CTNND2: variants seen among roughly 807,000 people sequenced by gnomAD.
CTNND2 encodes catenin delta-2.
In CTNND2, 22 loss-of-function variants were observed where a neutral mutation model predicts 144.4. The ratio of observed to expected loss-of-function variants is 0.15; its 90% CI spans 0.11 to 0.22. The LOEUF (loss-of-function observed/expected upper bound fraction) is 0.22. Among genes scored for constraint, CTNND2 ranks in the 10% least tolerant of loss-of-function variants. The pLI, the probability that CTNND2 is intolerant of heterozygous loss-of-function variation, is 1.00. For missense variants in CTNND2, 1,353 were observed against 1,618.8 expected, an observed-to-expected ratio of 0.84 and a Z score of 2.82; for synonymous variants, 751 against 695.6, an observed-to-expected ratio of 1.08 and a Z score of -1.25.
intron 3 of CTNND2, among the ~76,000 whole-genome samples, chr5:11,446,770 G>C (rs1217784898): frequency 6.6e-6 from 1 of 152,090 alleles, no homozygotes; most frequent in Non-Finnish European, 1.5e-5. Context: ...GAGAAGATGA[G>C]TTACAGAAGG....
At chr5:11,641,616 G>A (rs530570034) in intron 2 of CTNND2, among the ~76,000 whole-genome samples, 2 of 144,386 alleles carry the variant, frequency 1.4e-5, no homozygotes, top group Non-Finnish European at 3.0e-5. Context: ...ACATATACGT[G>A]TGTGTATACA....
At chr5:11,452,893 C>T (rs1765420426) in intron 3 of CTNND2, among the ~76,000 whole-genome samples, 1 of 152,158 alleles carries the variant, frequency 6.6e-6, no homozygotes, top group African/African-American at 2.4e-5. Context: ...TGACACTGAT[C>T]AATTGTAGGG....
chr5:11,177,806 T>C (rs1054051530), intron 11 of CTNND2, among the ~76,000 whole-genome samples: 1 of 152,230 alleles, frequency 6.6e-6, no homozygotes, highest in Non-Finnish European at 1.5e-5. Flanking sequence ...AATAATTAGA[T>C]AGAAGTGCCA....
intron 12 of CTNND2, among the ~76,000 whole-genome samples, chr5:11,132,355 T>C (rs953988091): frequency 3.3e-5 from 5 of 152,222 alleles, no homozygotes; most frequent in Non-Finnish European, 7.3e-5. Context: ...CTCCAACAAA[T>C]CATATTTTGA....
At chr5:11,481,786 A>G (rs542533818) in intron 3 of CTNND2, among the ~76,000 whole-genome samples, 3 of 151,580 alleles carry the variant, frequency 2.0e-5, no homozygotes, top group Non-Finnish European at 3.0e-5. Context: ...CTGGGTTGGG[A>G]AAAAAAAATT....
intron 1 of CTNND2, among the ~76,000 whole-genome samples, chr5:11,828,332 C>T (rs796157233): frequency 1.3e-5 from 2 of 151,872 alleles, no homozygotes; most frequent in African/African-American, 2.4e-5. Flanking sequence ...GAGTTCGAGA[C>T]CAGCCTGGCC....
At chr5:11,405,578 T>TA (rs78929620) in intron 5 of CTNND2, among the ~76,000 whole-genome samples, 4,617 of 145,014 alleles carry the variant, frequency 0.032, 208 homozygotes, top group African/African-American at 0.11. Context: ...AGGACTCCGT[T>TA]AAAAAAAAAA....
At chr5:11,663,096 C>A (rs759728863) in intron 2 of CTNND2, among the ~76,000 whole-genome samples, 2 of 152,132 alleles carry the variant, frequency 1.3e-5, no homozygotes, top group Non-Finnish European at 2.9e-5. Context: ...TAGTCAGGGT[C>A]TAAGGAAATG....
At chr5:11,278,765 G>A (rs963048267) in intron 9 of CTNND2, among the ~76,000 whole-genome samples, 1 of 152,174 alleles carries the variant, frequency 6.6e-6, no homozygotes, top group Admixed American at 6.5e-5. Context: ...ACAGATGTGA[G>A]CACTGTGTCT....
chr5:11,788,023 A>AT (rs1165091586), intron 1 of CTNND2, among the ~76,000 whole-genome samples: 1 of 152,196 alleles, frequency 6.6e-6, no homozygotes, highest in Non-Finnish European at 1.5e-5. Context: ...ATCCAATGAT[A>AT]TTTCATTGTT....
intron 2 of CTNND2, among the ~76,000 whole-genome samples, chr5:11,701,288 A>AT (rs1490361140): frequency 2.6e-5 from 4 of 152,184 alleles, no homozygotes; most frequent in Non-Finnish European, 5.9e-5. Flanking sequence ...GGGACCTTCC[A>AT]TGCAGAGAAT....
chr5:11,076,624 T>C (rs1748981278), intron 16 of CTNND2, among the ~76,000 whole-genome samples: 1 of 152,214 alleles, frequency 6.6e-6, no homozygotes, highest in Non-Finnish European at 1.5e-5. Context: ...AGCATACTTA[T>C]TGCTGTTTCC....
intron 1 of CTNND2, among the ~76,000 whole-genome samples, chr5:11,733,784 T>C (rs1318878284): frequency 6.6e-6 from 1 of 152,200 alleles, no homozygotes; most frequent in Non-Finnish European, 1.5e-5. Flanking sequence ...CAAATAACAT[T>C]AGACCCAATG....
intron 9 of CTNND2, among the ~76,000 whole-genome samples, chr5:11,334,549 T>C (rs1167930423): frequency 6.6e-6 from 1 of 152,212 alleles, no homozygotes; most frequent in Non-Finnish European, 1.5e-5. Flanking sequence ...AGGAAATCCT[T>C]TGTCAAGTGA....
chr5:10,976,199 G>A (rs1736459409), intron 21 of CTNND2, among the ~76,000 whole-genome samples: 1 of 105,728 alleles, frequency 9.5e-6, no homozygotes, highest in South Asian at 2.7e-4. Flanking sequence ...CTTGTGGTAT[G>A]GACGTCTTGT....
At chr5:11,637,121 A>AT (rs1781748302) in intron 2 of CTNND2, among the ~76,000 whole-genome samples, 1 of 152,176 alleles carries the variant, frequency 6.6e-6, no homozygotes, top group Admixed American at 6.5e-5. Flanking sequence ...AAGTTTATAT[A>AT]TTTTTTAAGA....
chr5:11,124,366 C>T (rs1034239294), intron 12 of CTNND2, among the ~76,000 whole-genome samples: 12 of 152,144 alleles, frequency 7.9e-5, no homozygotes, highest in South Asian at 2.1e-4. Context: ...CTTACATCCT[C>T]GATGGCTTGA....
chr5:11,236,742 C>T lies in CTNND2; in HGVS notation c.1710G>A (p.Ala570=), dbSNP rs765877085. ...AACAGAGGTGTTGCAAGTAGGCTGC[C>T]GCGTTAGACTGGACCGAGGGAAACT... The part of the protein sequence containing the change: ...QHQFPSVQSN[A]AAYLQHLCFG... Residue 570 remains alanine, a synonymous_variant, in exon 10 of 22, where the codon GCG becomes GCA. Transcript: ENST00000304623. The T allele has an allele frequency of 1.1e-5, 18 of 1,614,008 alleles. No individual in the cohort carries two copies. The Admixed American group carries it at 1.7e-4, about 15-fold the overall frequency.
intron 20 of CTNND2, among the ~76,000 whole-genome samples, chr5:10,982,425 G>A (rs924666526): frequency 2.0e-5 from 3 of 152,240 alleles, no homozygotes; most frequent in African/African-American, 7.2e-5. Flanking sequence ...TGGCTTGCCT[G>A]TCGTCTAGAC....
Sources: allele counts gnomAD v4.1 joint callset (sites outside exome capture counted in the v4.1 genomes callset), GRCh38; gene constraint gnomAD v4.1.1; transcripts MANE v1.5; gene names NCBI Gene and HGNC (gene_info 2026-07-23, HGNC 2026-07-21).